TENM3: variants seen among roughly 807,000 people sequenced by gnomAD.
The protein encoded by TENM3 is teneurin transmembrane protein 3.
A neutral mutation model predicts 255.1 loss-of-function variants in TENM3; 63 were observed. That is an observed-to-expected ratio of 0.25 (90% CI 0.20 to 0.30). TENM3 has a LOEUF of 0.30. TENM3 is among the 10% of genes least tolerant of loss of function. The pLI, the probability that TENM3 is intolerant of heterozygous loss-of-function variation, is 1.00. For missense variants in TENM3, 2,929 were observed against 3,461.1 expected, an observed-to-expected ratio of 0.85 and a Z score of 3.86; for synonymous variants, 1,306 against 1,322.3, an observed-to-expected ratio of 0.99 and a Z score of 0.27.
At chr4:181,902,367 C>T in the TENM3 span, among the ~76,000 whole-genome samples, 1 of 152,066 alleles carries the variant, frequency 6.6e-6, no homozygotes, top group Admixed American at 6.6e-5. Flanking sequence ...TAATTAGATC[C>T]CATTTGTCAA....
the TENM3 span, among the ~76,000 whole-genome samples, chr4:181,899,544 GTTTT>G: frequency 6.6e-6 from 1 of 151,478 alleles, no homozygotes; most frequent in South Asian, 2.1e-4. Flanking sequence ...TTGTTGTTTT[GTTTT>G]TTGTTTTGTT....
chr4:182,454,956 G>A (rs1773750126), intron 3 of TENM3, among the ~76,000 whole-genome samples: 1 of 152,114 alleles, frequency 6.6e-6, no homozygotes, highest in Non-Finnish European at 1.5e-5. Context: ...ACTTTATACT[G>A]AATTCTCTTT....
chr4:182,763,939 T>G (rs938682823), intron 22 of TENM3, among the ~76,000 whole-genome samples: 2 of 152,216 alleles, frequency 1.3e-5, no homozygotes, highest in African/African-American at 4.8e-5. Flanking sequence ...CATTCACCCC[T>G]TACTAATTTA....
At chr4:182,433,193 G>T (rs11732036) in intron 3 of TENM3, among the ~76,000 whole-genome samples, 72,953 of 151,860 alleles carry the variant, frequency 0.48, 17,985 homozygotes, top group South Asian at 0.6. Flanking sequence ...TGGTGAGTGG[G>T]GGAAGACAGT....
At chr4:181,670,072 A>G in the TENM3 span, among the ~76,000 whole-genome samples, 2 of 152,234 alleles carry the variant, frequency 1.3e-5, no homozygotes, top group Non-Finnish European at 2.9e-5. Context: ...TATCTTAGCC[A>G]AGAAAAAATG....
the TENM3 span, among the ~76,000 whole-genome samples, chr4:181,581,884 C>T: frequency 6.6e-6 from 1 of 152,016 alleles, no homozygotes; most frequent in African/African-American, 2.4e-5. Flanking sequence ...AGGCGCCCAC[C>T]GCCATGCCCA....
the TENM3 span, among the ~76,000 whole-genome samples, chr4:181,558,111 A>G: frequency 6.6e-6 from 1 of 152,214 alleles, no homozygotes; most frequent in Non-Finnish European, 1.5e-5. Context: ...TTGATGCCTG[A>G]GTACTATTGA....
At chr4:181,579,648 G>A in the TENM3 span, among the ~76,000 whole-genome samples, 1 of 152,180 alleles carries the variant, frequency 6.6e-6, no homozygotes, top group East Asian at 1.9e-4. Flanking sequence ...AATCGTCACA[G>A]TAACTTTCAA....
chr4:182,693,944 C>A (rs1268617821), intron 12 of TENM3, among the ~76,000 whole-genome samples: 1 of 152,028 alleles, frequency 6.6e-6, no homozygotes, highest in Non-Finnish European at 1.5e-5. Context: ...AAAACAAGAA[C>A]AACAGAACAA....
At chr4:181,576,752 T>A in the TENM3 span, among the ~76,000 whole-genome samples, 1 of 151,470 alleles carries the variant, frequency 6.6e-6, no homozygotes, top group Non-Finnish European at 1.5e-5. Flanking sequence ...TACCTATATC[T>A]CTTATAGCAG....
At chr4:182,069,923 G>A in the TENM3 span, among the ~76,000 whole-genome samples, 6 of 152,184 alleles carry the variant, frequency 3.9e-5, no homozygotes, top group Non-Finnish European at 5.9e-5. Context: ...ACTACAGCAT[G>A]ATATTTAGGA....
chr4:181,903,900 G>C, the TENM3 span, among the ~76,000 whole-genome samples: 2 of 151,996 alleles, frequency 1.3e-5, no homozygotes, highest in Admixed American at 1.3e-4. Flanking sequence ...TTCTGCACTC[G>C]AGTCTTGGAT....
At chr4:181,667,690 C>T in the TENM3 span, among the ~76,000 whole-genome samples, 1 of 152,170 alleles carries the variant, frequency 6.6e-6, no homozygotes, top group South Asian at 2.1e-4. Flanking sequence ...CAATCTTGGA[C>T]TTCTCAGCCT....
chr4:181,725,026 G>T, the TENM3 span, among the ~76,000 whole-genome samples: 1 of 152,092 alleles, frequency 6.6e-6, no homozygotes, highest in Non-Finnish European at 1.5e-5. Flanking sequence ...CTGTGTTTGG[G>T]GTCCTCCCAG....
chr4:182,086,461 T>G, the TENM3 span, among the ~76,000 whole-genome samples: 1 of 152,362 alleles, frequency 6.6e-6, no homozygotes, highest in Admixed American at 6.5e-5. Flanking sequence ...TCTGCTCTCA[T>G]GTGCAGACAC....
the TENM3 span, among the ~76,000 whole-genome samples, chr4:181,677,355 C>A: frequency 6.6e-6 from 1 of 152,080 alleles, no homozygotes; most frequent in Non-Finnish European, 1.5e-5. Flanking sequence ...TCCTCCACCC[C>A]CTGCTCCTCT....
chr4:182,060,593 C>A, the TENM3 span, among the ~76,000 whole-genome samples: 103 of 152,284 alleles, frequency 6.8e-4, no homozygotes, highest in African/African-American at 2.4e-3. Context: ...TACAAGTTCA[C>A]AGCCCAGACA....
the TENM3 span, among the ~76,000 whole-genome samples, chr4:181,476,842 T>G: frequency 6.6e-6 from 1 of 152,150 alleles, no homozygotes. Context: ...CCTTGGAAGT[T>G]TGTGCAGAAG....
chr4:182,505,170 C>G (rs1484061432), intron 3 of TENM3, among the ~76,000 whole-genome samples: 1 of 152,104 alleles, frequency 6.6e-6, no homozygotes, highest in Non-Finnish European at 1.5e-5. Context: ...TTACAATGGT[C>G]TTATGATTAT....
Sources: allele counts gnomAD v4.1 joint callset (sites outside exome capture counted in the v4.1 genomes callset), GRCh38; gene constraint gnomAD v4.1.1; transcripts MANE v1.5; gene names NCBI Gene and HGNC (gene_info 2026-07-23, HGNC 2026-07-21).